The following MACROD2 variants were observed in gnomAD, a reference collection of about 807,000 sequenced individuals.
MACROD2 encodes mono-ADP ribosylhydrolase 2.
Under a neutral mutation model 70.4 loss-of-function variants are expected in MACROD2, and 36 were observed. That is an observed-to-expected ratio of 0.51 (90% CI 0.39 to 0.68). MACROD2 has a LOEUF of 0.68. MACROD2 is among the 30% of genes least tolerant of loss of function. The pLI, the probability that MACROD2 is intolerant of heterozygous loss-of-function variation, is 0.00. For synonymous variants in MACROD2, 172 were observed against 178.8 expected (o/e 0.96, Z 0.30); for missense variants, 496 against 538.4 (o/e 0.92, Z 0.78).
chr20:15,794,314 T>G (rs2063653097), intron 8 of MACROD2, among the ~76,000 whole-genome samples: 1 of 152,216 alleles, frequency 6.6e-6, no homozygotes, highest in African/African-American at 2.4e-5. Flanking sequence ...TATTTTTTAT[T>G]TATTCAGCGT....
intron 6 of MACROD2, among the ~76,000 whole-genome samples, chr20:15,277,949 G>C (rs1240094109): frequency 1.3e-5 from 2 of 152,212 alleles, no homozygotes; most frequent in East Asian, 3.9e-4. Context: ...AGAGAACTTG[G>C]AAGAAAATAA....
At chr20:15,678,438 C>T (rs1460528092) in intron 8 of MACROD2, among the ~76,000 whole-genome samples, 1 of 151,806 alleles carries the variant, frequency 6.6e-6, no homozygotes, top group Non-Finnish European at 1.5e-5. Flanking sequence ...CGGCTCACTG[C>T]AAGCTCTGCC....
At chr20:15,939,655 G>A (rs2065721549) in intron 12 of MACROD2, among the ~76,000 whole-genome samples, 1 of 151,648 alleles carries the variant, frequency 6.6e-6, no homozygotes, top group African/African-American at 2.4e-5. Flanking sequence ...GTATCAGGGA[G>A]TAATTTTGAT....
At chr20:15,144,765 C>T (rs1301694014) in intron 5 of MACROD2, among the ~76,000 whole-genome samples, 1 of 152,164 alleles carries the variant, frequency 6.6e-6, no homozygotes, top group Non-Finnish European at 1.5e-5. Flanking sequence ...GGCAACATTT[C>T]TGAACCAAAT....
intron 9 of MACROD2, among the ~76,000 whole-genome samples, chr20:15,876,091 T>TTATATATATATATATATATA (rs752542911): frequency 5.1e-4 from 17 of 33,084 alleles, no homozygotes; most frequent in African/African-American, 1.1e-3. Context: ...TACATGTCTT[T>TTATATATATATATATATATA]TATATATATA....
intron 15 of MACROD2, among the ~76,000 whole-genome samples, chr20:16,009,103 C>T (rs73237730): frequency 0.12 from 18,686 of 152,164 alleles, 1,280 homozygotes; most frequent in African/African-American, 0.15. Flanking sequence ...GCTCTGTCCC[C>T]ATGAAGAATT....
At chr20:14,009,707 A>G (rs1164212010) in intron 2 of MACROD2, among the ~76,000 whole-genome samples, 1 of 152,224 alleles carries the variant, frequency 6.6e-6, no homozygotes, top group African/African-American at 2.4e-5. Flanking sequence ...TGGCAAAGAC[A>G]TAGACTCAAC....
chr20:15,555,092 G>A (rs2048148421), intron 8 of MACROD2, among the ~76,000 whole-genome samples: 1 of 152,208 alleles, frequency 6.6e-6, no homozygotes, highest in African/African-American at 2.4e-5. Flanking sequence ...AAAGGGGTAT[G>A]AGTGTGTCTA....
intron 2 of MACROD2, among the ~76,000 whole-genome samples, chr20:14,050,014 G>T (rs1314607325): frequency 6.6e-6 from 1 of 150,540 alleles, no homozygotes; most frequent in Non-Finnish European, 1.5e-5. Context: ...AACCCGGGAG[G>T]CACGGAGGTT....
At chr20:15,317,744 A>C (rs2077829285) in intron 6 of MACROD2, among the ~76,000 whole-genome samples, 1 of 151,340 alleles carries the variant, frequency 6.6e-6, no homozygotes, top group Non-Finnish European at 1.5e-5. Flanking sequence ...AAGGTAGTCA[A>C]GCAGAAGGGT....
chr20:16,015,495 C>T (rs984061313), intron 15 of MACROD2, among the ~76,000 whole-genome samples: 3 of 152,018 alleles, frequency 2.0e-5, no homozygotes, highest in African/African-American at 7.3e-5. Context: ...ACAGAATTTC[C>T]CTGGATATGT....
chr20:15,906,216 T>C (rs1043684297), intron 10 of MACROD2, among the ~76,000 whole-genome samples: 5 of 152,252 alleles, frequency 3.3e-5, no homozygotes, highest in East Asian at 3.8e-4. Context: ...CAGCCACTTA[T>C]GGTGTATCCA....
chr20:15,791,212 C>G (rs952109589), intron 8 of MACROD2, among the ~76,000 whole-genome samples: 1 of 151,938 alleles, frequency 6.6e-6, no homozygotes, highest in Admixed American at 6.6e-5. Flanking sequence ...ACTTCTGGAA[C>G]TTGATATTTG....
At chr20:15,828,828 A>G (rs1221248238) in intron 8 of MACROD2, among the ~76,000 whole-genome samples, 2 of 152,244 alleles carry the variant, frequency 1.3e-5, no homozygotes, top group African/African-American at 4.8e-5. Context: ...TTAAATATCT[A>G]TTGAATAAAT....
intron 2 of MACROD2, among the ~76,000 whole-genome samples, chr20:14,076,603 C>T (rs892528032): frequency 2.0e-5 from 3 of 152,112 alleles, no homozygotes; most frequent in South Asian, 2.1e-4. Flanking sequence ...CGCTTGAGCC[C>T]GGGAGTTGGA....
chr20:15,115,450 C>T (rs2075985200), intron 5 of MACROD2, among the ~76,000 whole-genome samples: 1 of 152,062 alleles, frequency 6.6e-6, no homozygotes, highest in Non-Finnish European at 1.5e-5. Flanking sequence ...TCTTGAACTC[C>T]TGGCCTCAAG....
intron 5 of MACROD2, among the ~76,000 whole-genome samples, chr20:14,692,872 C>T (rs1321211908): frequency 6.6e-6 from 1 of 152,178 alleles, no homozygotes; most frequent in African/African-American, 2.4e-5. Context: ...AGAGTCCACC[C>T]CCAAATGGCT....
At chr20:15,252,760 C>G (rs1392349940) in intron 6 of MACROD2, among the ~76,000 whole-genome samples, 1 of 152,124 alleles carries the variant, frequency 6.6e-6, no homozygotes, top group Admixed American at 6.6e-5. Flanking sequence ...TTCCTGTGAC[C>G]CAATTGCAGA....
chr20:15,060,281 C>G (rs1290115272), intron 5 of MACROD2, among the ~76,000 whole-genome samples: 1 of 152,194 alleles, frequency 6.6e-6, no homozygotes, highest in African/African-American at 2.4e-5. Context: ...AAGCAGCAAC[C>G]ATTCCTCTCT....
Sources: allele counts gnomAD v4.1 joint callset (sites outside exome capture counted in the v4.1 genomes callset), GRCh38; gene constraint gnomAD v4.1.1; transcripts MANE v1.5; gene names NCBI Gene and HGNC (gene_info 2026-07-23, HGNC 2026-07-21).